HSPA14: variants seen among roughly 807,000 people sequenced by gnomAD.
HSPA14 encodes the protein heat shock 70 kDa protein 14.
Under a neutral mutation model 65.5 loss-of-function variants are expected in HSPA14, and 37 were observed. The ratio of observed to expected loss-of-function variants is 0.56; its 90% CI spans 0.43 to 0.74. HSPA14 has a LOEUF of 0.74. HSPA14 is among the 30% of genes least tolerant of loss of function. The pLI is 0.00. For missense variants in HSPA14, 564 were observed against 607.6 expected, an observed-to-expected ratio of 0.93 and a Z score of 0.75; for synonymous variants, 203 against 214.2, an observed-to-expected ratio of 0.95 and a Z score of 0.46.
In HSPA14 at chr10:14,842,930, C is replaced by G; in HGVS notation, c.221+2773C>G. 1.0e-6 allele frequency: 1 copy of G among 996,846 alleles called. No individual in the cohort carries two copies. Among genetic ancestry groups the G allele is most frequent in the Non-Finnish European group, 1.4e-6 (1 of 696,000 alleles). 61.8% of individuals were successfully genotyped at this position (996,846 alleles called of 1,614,324 possible). A position where few individuals can be genotyped will look rare whatever the true frequency, so the allele number is the denominator to read the frequency against. Reference sequence around the variant, plus strand: ...GCTGTGTCTGTTTGGATAGTGTCCTCTTCAGCATAGTTCCTGTTTCTGCCT... The same window carrying G: ...GCTGTGTCTGTTTGGATAGTGTCCTGTTCAGCATAGTTCCTGTTTCTGCCT... On this transcript the variant is annotated intron_variant, in intron 3 of 13. Transcript: ENST00000378372. This position sits in a 1 kb window ranked among gnomAD's most constrained non-coding sequence, Gnocchi z 5.2.
intron 10 of HSPA14, among the ~76,000 whole-genome samples, chr10:14,865,641 T>C (rs549787457): frequency 9.9e-5 from 15 of 152,252 alleles, no homozygotes; most frequent in Admixed American, 9.2e-4. Flanking sequence ...TGTAGATGTG[T>C]GGTATTATTT....
chr10:14,851,732 G>T (rs894137753), intron 7 of HSPA14, among the ~76,000 whole-genome samples: 2 of 152,166 alleles, frequency 1.3e-5, no homozygotes, highest in South Asian at 4.1e-4. Flanking sequence ...TCTTTTAATG[G>T]TGAAATACTA....
chr10:14,845,045 G>C, intron 3 of HSPA14: 2 of 985,416 alleles, frequency 2.0e-6, no homozygotes, highest in Non-Finnish European at 2.4e-6. Context: ...GAACACTAGA[G>C]GATGGTGTGG....
rs377330806 is a variant in HSPA14 at position 14,867,835 on chromosome 10, A to G, written c.1306A>G (p.Ile436Val). 3.1e-6 allele frequency: 5 copies of G among 1,614,062 alleles called. No homozygotes were observed. Among genetic ancestry groups the G allele is most frequent in the African/African-American group, 1.3e-5 (1 of 74,928 alleles). The part of the protein sequence containing the change: ...RQHTLQAPGS[I>V]SSVCLELYES... Reference sequence around the variant, plus strand: ...ACACACATTGCAAGCCCCTGGAAGCATATCTTCAGTGTGCCTTGAACTCTA... The same window carrying G: ...ACACACATTGCAAGCCCCTGGAAGCGTATCTTCAGTGTGCCTTGAACTCTA... The change falls in exon 12 of 14, where the codon ATA (isoleucine) becomes GTA (valine). Residue 436 changes from isoleucine (I) to valine (V), a missense_variant. Coordinates refer to ENST00000378372, the MANE Select transcript of HSPA14 (RefSeq NM_016299.4).
intron 9 of HSPA14, 80 bp downstream of exon 9, chr10:14,854,360 TTTTGTTTG>T: frequency 8.4e-7 from 1 of 1,197,604 alleles, no homozygotes; most frequent in Non-Finnish European, 1.2e-6. Context: ...ACTTTGGGTT[TTTTGTTTG>T]TTTGTTTGAG....
intron 3 of HSPA14, among the ~76,000 whole-genome samples, chr10:14,840,466 G>T (rs1484399306): frequency 6.6e-6 from 1 of 152,136 alleles, no homozygotes; most frequent in Non-Finnish European, 1.5e-5. Flanking sequence ...CAAAGATTTT[G>T]TGGGAATTTG....
Position 14,842,349 on chromosome 10 carries a change from C to T in HSPA14, c.221+2192C>T. On this transcript the variant is annotated intron_variant, in intron 3 of 13. Coordinates refer to ENST00000378372, the MANE Select transcript of HSPA14 (RefSeq NM_016299.4). This position sits in a 1 kb window ranked among gnomAD's most constrained non-coding sequence, Gnocchi z 5.2. ...AGACAGGAGACACGAACTCTTCTCT[C>T]CATACTAGGCGAGGCAGAGTATATT... 1 of 1,536,150 alleles carries T rather than the reference C, an allele frequency of 6.5e-7. No individual in the cohort carries two copies. The highest frequency in any genetic ancestry group is 1.2e-5 in the South Asian group (1 of 84,056).
At position 14,854,211 on chromosome 10, in the gene HSPA14, C is replaced by T. The variant is rs375798936; in HGVS notation, c.821C>T (p.Thr274Ile). 2.3e-5 allele frequency: 37 copies of T among 1,613,576 alleles called. No homozygotes were observed. Among genetic ancestry groups the T allele is most frequent in the Non-Finnish European group, 3.1e-5 (36 of 1,179,800 alleles). The change falls in exon 9 of 14, where the codon ACC (threonine) becomes ATC (isoleucine). Residue 274 changes from threonine (T) to isoleucine (I), a missense_variant. Physicochemically the swap from Thr to Ile is moderately conservative, Grantham distance 89. Coordinates refer to ENST00000378372, the MANE Select transcript of HSPA14 (RefSeq NM_016299.4). ...SAEVAKHSLS[T>I]LGSANCFLDS... is the part of the protein sequence containing the mutation. ...GAAGTAGCGAAACATTCTTTGTCAA[C>T]CTTGGGAAGTGCCAACTGTTTTCTT...
chr10:14,865,167 CTGTT>C (rs1322648639), intron 10 of HSPA14, among the ~76,000 whole-genome samples: 7 of 151,912 alleles, frequency 4.6e-5, no homozygotes, highest in South Asian at 2.1e-4. Context: ...GTTGATGGGG[CTGTT>C]TGTTTTTTTC....
intron 10 of HSPA14, among the ~76,000 whole-genome samples, chr10:14,864,038 G>A (rs1030756260): frequency 2.0e-5 from 3 of 151,600 alleles, no homozygotes; most frequent in African/African-American, 4.9e-5. Context: ...TGTGTTGCTG[G>A]CACCTTAATC....
At chr10:14,843,655 G>T (rs926106261) in intron 3 of HSPA14, 3 of 1,549,268 alleles carry the variant, frequency 1.9e-6, no homozygotes, top group African/African-American at 2.7e-5. Context: ...TATCGCAGCC[G>T]AGTTGGCAGA....
At chr10:14,870,202 AT>A (rs202018805) in intron 12 of HSPA14, among the ~76,000 whole-genome samples, 6,505 of 147,894 alleles carry the variant, frequency 0.044, 465 homozygotes, top group African/African-American at 0.15. Flanking sequence ...AAAATGCTTG[AT>A]TTTTTTTTTT....
Position 14,854,073 on chromosome 10 carries a change from A to G in HSPA14, c.735-52A>G, listed in dbSNP as rs2131642046. 2.7e-6 allele frequency: 4 copies of G among 1,464,692 alleles called. No individual in the cohort carries two copies. In the East Asian group the frequency reaches 9.3e-5, roughly 34 times the overall value. 90.7% of individuals were successfully genotyped at this position (1,464,692 alleles called of 1,614,324 possible). ...GGATTATCCAGATCTTAGTTACAAT[A>G]TTGTAAATGGCCCAGTAATTTTAAA... On this transcript the variant is annotated intron_variant, in intron 8 of 13. Transcript: ENST00000378372.
intron 3 of HSPA14, 151 bp downstream of exon 3, chr10:14,840,308 TGTC>T (rs1833957031): frequency 6.2e-6 from 2 of 323,554 alleles, no homozygotes; most frequent in South Asian, 2.5e-4. Flanking sequence ...CAGTAGGCAG[TGTC>T]TTTTGATTCT....
In HSPA14 at chr10:14,838,344, C is replaced by T. The variant is rs1347275117; in HGVS notation, c.-59C>T. The T allele has an allele frequency of 9.2e-6, 14 of 1,519,328 alleles. No individual in the cohort carries two copies. The highest frequency in any genetic ancestry group is 1.2e-5 in the Non-Finnish European group (14 of 1,121,846). The allele number at this position is 1,519,328 out of a possible 1,614,324, so 94.1% of individuals were successfully genotyped here. ...GTGCCTGATGGGGCCGTTGGGCGGCCGGTAGCTGTTGCTGTTGGGGGACCC... is the reference window on the plus strand; with the variant it reads ...GTGCCTGATGGGGCCGTTGGGCGGCTGGTAGCTGTTGCTGTTGGGGGACCC... On this transcript the variant is annotated 5_prime_UTR_variant, in exon 1 of 14. Transcript: ENST00000378372.
At chr10:14,843,649 G>A (rs1311270370) in intron 3 of HSPA14, 10 of 1,549,698 alleles carry the variant, frequency 6.5e-6, no homozygotes, top group African/African-American at 1.4e-5. Flanking sequence ...CAGGACTATC[G>A]CAGCCGAGTT....
intron 3 of HSPA14, chr10:14,841,328 A>G (rs1833968595): frequency 6.6e-6 from 1 of 152,224 alleles, no homozygotes; most frequent in Non-Finnish European, 1.5e-5. Context: ...AAGTCTAGAA[A>G]AAAGAATCGT....
rs1385689652 is a variant in HSPA14, at chr10:14,838,479, G to A, written c.57+20G>A. The A allele has an allele frequency of 6.3e-7, 1 of 1,589,966 alleles. No homozygotes were observed. ...TATAAGGTGAGGGGCTGCGGAGCTG[G>A]GCTAGGGCTTCATGACGGCCACCCG... On this transcript the variant is annotated intron_variant, in intron 1 of 13. Transcript: ENST00000378372.
chr10:14,840,973 T>C (rs2131634400), intron 3 of HSPA14, among the ~76,000 whole-genome samples: 1 of 152,344 alleles, frequency 6.6e-6, no homozygotes, highest in East Asian at 1.9e-4. Context: ...AGATCAGGTC[T>C]CCTCACCCTC....
Sources: gnomAD v4.1 joint callset for allele counts (sites outside exome capture counted in the v4.1 genomes callset) on GRCh38, gnomAD v4.1.1 for gene constraint, Gnocchi (gnomAD v3.1) non-coding constraint, MANE v1.5 for transcripts, NCBI Gene and HGNC (gene_info 2026-07-23, HGNC 2026-07-21) for gene names.